SLC9A6: variants seen among roughly 807,000 people sequenced by gnomAD.
The protein encoded by SLC9A6 is sodium/hydrogen exchanger 6.
In SLC9A6, 6 loss-of-function variants were observed where a neutral mutation model predicts 45.3. The observed-to-expected ratio is 0.13, with a 90% confidence interval of 0.07 to 0.26. The LOEUF (loss-of-function observed/expected upper bound fraction) is 0.26, where lower values mean the gene tolerates loss of function less well. SLC9A6 is among the 10% of genes least tolerant of loss of function. The probability of loss-of-function intolerance (pLI) is 1.00; values close to 1 mark genes in which losing one functional copy is unlikely to be tolerated. For missense variants in SLC9A6, 278 were observed against 503.7 expected (o/e 0.55, Z 4.29); for synonymous variants, 191 against 187.7 (o/e 1.02, Z -0.14).
At chrX:135,977,019 C>G (rs2089266472) in intron 1 of SLC9A6, among the ~76,000 whole-genome samples, 1 of 112,029 alleles carries the variant, frequency 8.9e-6, no homozygotes, top group Admixed American at 9.5e-5. Context: ...TATTCATAGT[C>G]ACAGTTACCA....
intron 17 of SLC9A6, among the ~76,000 whole-genome samples, chrX:136,041,244 G>A (rs782750421): frequency 4.5e-5 from 5 of 112,154 alleles, no homozygotes; most frequent in Non-Finnish European, 7.5e-5. Context: ...GGTGCAACAC[G>A]CAGAACCTTG....
chrX:136,034,588 A>C (rs1456177980), intron 16 of SLC9A6, among the ~76,000 whole-genome samples: 1 of 112,263 alleles, frequency 8.9e-6, no homozygotes, highest in Non-Finnish European at 1.9e-5. Flanking sequence ...CTATTGAAGC[A>C]AATTGGAGAC....
intron 13 of SLC9A6, among the ~76,000 whole-genome samples, chrX:136,028,610 A>T (rs1383919524): frequency 8.9e-6 from 1 of 112,658 alleles, no homozygotes; most frequent in Non-Finnish European, 1.9e-5. Context: ...GTTAGAGTTT[A>T]ATGTGACTGA....
chrX:136,027,866 T>C (rs1167914476), intron 13 of SLC9A6, among the ~76,000 whole-genome samples: 1 of 112,554 alleles, frequency 8.9e-6, no homozygotes, highest in South Asian at 3.6e-4. Context: ...GAACGGTGGA[T>C]CCACAGTAAA....
intron 11 of SLC9A6, among the ~76,000 whole-genome samples, chrX:136,022,297 C>A (rs188507224): frequency 8.9e-5 from 10 of 112,167 alleles, no homozygotes; most frequent in African/African-American, 3.2e-4. Flanking sequence ...TTGGTAGCAA[C>A]TAGCCAAATG....
chrX:136,007,890 G>A (rs2089681589), intron 7 of SLC9A6, among the ~76,000 whole-genome samples: 1 of 110,518 alleles, frequency 9.0e-6, no homozygotes, highest in Non-Finnish European at 1.9e-5. Context: ...TATTTCTGTA[G>A]GGTATTTTTT....
At chrX:136,024,308 T>C in intron 12 of SLC9A6, 22 bp from the exon 13 acceptor site, 2 of 1,209,381 alleles carry the variant, frequency 1.7e-6, no homozygotes, top group Non-Finnish European at 2.2e-6. Context: ...ATTGAAGAAA[T>C]ACCTTTTCTG....
intron 17 of SLC9A6, among the ~76,000 whole-genome samples, chrX:136,041,529 C>T (rs964515720): frequency 3.6e-5 from 4 of 111,463 alleles, no homozygotes; most frequent in Admixed American, 1.9e-4. Flanking sequence ...TGCCCAGGCT[C>T]GCCTCTCAAA....
chrX:135,983,659 A>C (rs1254644409), upstream of SLC9A6: 3 of 106,611 alleles, frequency 2.8e-5, no homozygotes, highest in Non-Finnish European at 5.8e-5. Context: ...GTGCTTGAAG[A>C]CATTTCCTGA....
In SLC9A6 at chrX:136,046,891, T is replaced by C. The variant is rs1341731581; in HGVS notation, c.*2167T>C. On this transcript the variant is annotated 3_prime_UTR_variant, in exon 18 of 18. Transcript: ENST00000630721. The stretch of plus-strand genomic sequence containing the variant: ...CAAGTAGAACTGCTCTTGGACTTGT[T>C]TTCCTGTTGTTTGTGGAACCTACGC... The C allele has an allele frequency of 1.8e-5, 2 of 113,033 alleles. No homozygotes were observed. Among genetic ancestry groups the C allele is most frequent in the African/African-American group, 6.4e-5 (2 of 31,063 alleles). The allele number at this position is 113,033 out of a possible 1,213,427, so 9.3% of individuals were successfully genotyped here. A position where few individuals can be genotyped will look rare whatever the true frequency, so the allele number is the denominator to read the frequency against.
At chrX:136,021,373 C>T (rs1569525211) in intron 11 of SLC9A6, among the ~76,000 whole-genome samples, 1 of 111,945 alleles carries the variant, frequency 8.9e-6, no homozygotes, top group African/African-American at 3.2e-5. Context: ...TGTTCAGTTT[C>T]AGTATACATG....
chrX:135,994,803 G>T lies in SLC9A6; in HGVS notation c.187G>T (p.Val63Leu). 8.3e-7 allele frequency: 1 copy of T among 1,211,533 alleles called. No homozygotes were observed. Among genetic ancestry groups the T allele is most frequent in the Non-Finnish European group, 1.1e-6 (1 of 895,398 alleles). ...AMIYGLLVGL[V>L]LRYGIHVPSD... ...TTTTCCAGGTCTTTTGGTGGGCCTT[G>T]TGCTTCGGTATGGCATTCATGTTCC... is the stretch of plus-strand genomic sequence containing the variant. Residue 63 changes from valine to leucine, a missense_variant, in exon 3 of 18, where the codon GTG (valine) becomes TTG (leucine). Val to Leu is a conservative substitution (Grantham distance 32). This residue lies in a region of SLC9A6 where 118 missense variants were observed against 209.9 expected (regional missense o/e 0.56). Transcript: ENST00000630721.
At chrX:135,999,966 G>A (rs782653212) in intron 6 of SLC9A6, among the ~76,000 whole-genome samples, 12 of 110,551 alleles carry the variant, frequency 1.1e-4, no homozygotes, top group Non-Finnish European at 2.3e-4. Context: ...AGATATTTTG[G>A]CTGGACACAG....
rs2071022366 is a variant in SLC9A6, at chrX:136,016,540, T to A, written c.1081-105T>A. The A allele has an allele frequency of 1.4e-5, 7 of 508,110 alleles. No individual in the cohort carries two copies. The South Asian group carries it at 2.0e-4, about 14-fold the overall frequency. The allele number at this position is 508,110 out of a possible 1,213,427, so 41.9% of individuals were successfully genotyped here. A position where few individuals can be genotyped will look rare whatever the true frequency, so the allele number is the denominator to read the frequency against. On this transcript the variant is annotated intron_variant, in intron 10 of 17. Coordinates refer to ENST00000630721, the MANE Select transcript of SLC9A6 (RefSeq NM_001379110.1). ...GAACCACATATTTTGTGTGTATGCATGAAGTTTATATATATGAGTGTCTGT... is the reference window on the plus strand; with the variant it reads ...GAACCACATATTTTGTGTGTATGCAAGAAGTTTATATATATGAGTGTCTGT...
At chrX:135,983,238 G>A (rs2089294975), upstream of SLC9A6, among the ~76,000 whole-genome samples, 2 of 111,487 alleles carry the variant, frequency 1.8e-5, no homozygotes, top group South Asian at 7.5e-4. Context: ...CAGGACAGTG[G>A]GGCTGTGACC....
intron 2 of SLC9A6, among the ~76,000 whole-genome samples, chrX:135,990,213 C>T (rs1311072003): frequency 1.8e-5 from 2 of 111,450 alleles, no homozygotes; most frequent in East Asian, 5.6e-4. Context: ...GTCTCGATCT[C>T]CTGACCTTGT....
chrX:136,033,159 G>T, intron 15 of SLC9A6: 2 of 240,574 alleles, frequency 8.3e-6, no homozygotes, highest in Non-Finnish European at 1.5e-5. Flanking sequence ...ACCACACCCG[G>T]CCCCCACATT....
intron 2 of SLC9A6, among the ~76,000 whole-genome samples, chrX:135,994,489 T>A (rs1410320887): frequency 9.0e-6 from 1 of 111,685 alleles, no homozygotes; most frequent in Non-Finnish European, 1.9e-5. Context: ...TTGAAGATAT[T>A]TTCTCCTTTT....
At chrX:136,015,239 C>T (rs935522061) in intron 10 of SLC9A6, among the ~76,000 whole-genome samples, 15 of 112,977 alleles carry the variant, frequency 1.3e-4, no homozygotes, top group South Asian at 1.1e-3. Flanking sequence ...ATAAAATTTT[C>T]TTGGCACACA....
Sources: allele counts gnomAD v4.1 joint callset (sites outside exome capture counted in the v4.1 genomes callset), GRCh38; gene constraint gnomAD v4.1.1; regional missense constraint gnomAD v4.1.1; transcripts MANE v1.5; gene names NCBI Gene and HGNC (gene_info 2026-07-23, HGNC 2026-07-21).